Variants in RASAL2 observed in about 807,000 individuals in gnomAD.
The protein encoded by RASAL2 is ras GTPase-activating protein nGAP.
RASAL2 carries 58 observed loss-of-function variants against 128.9 expected under a neutral mutation model. The ratio of observed to expected loss-of-function variants is 0.45; its 90% confidence interval spans 0.36 to 0.56. RASAL2 has a LOEUF of 0.56. Ranked by LOEUF, RASAL2 falls within the 20% of genes least tolerant of loss-of-function variation. The pLI is 0.00. For missense variants in RASAL2, 1,360 were observed against 1,601.6 expected (o/e 0.85, Z 2.57); for synonymous variants, 561 against 580.8 (o/e 0.97, Z 0.49).
At chr1:178,275,766 C>T (rs1027886840) in intron 1 of RASAL2, among the ~76,000 whole-genome samples, 1 of 152,160 alleles carries the variant, frequency 6.6e-6, no homozygotes, top group African/African-American at 2.4e-5. Context: ...AATTACTCAC[C>T]AGAGAGAAGT....
At position 178,216,163 on chromosome 1, in the gene RASAL2, A is replaced by G. The variant is rs550619108; in HGVS notation, c.203-67401A>G. Among the ~76,000 whole-genome samples, 10 of 152,340 alleles carry G rather than the reference A, an allele frequency of 6.6e-5. No individual in the cohort carries two copies. The East Asian group carries it at 9.6e-4, about 15-fold the overall frequency. On this transcript the variant is annotated intron_variant, in intron 1 of 17. Transcript: ENST00000367649. The stretch of plus-strand genomic sequence containing the variant: ...ACAGTTACAGAATTTTCTAGTCTTA[A>G]TAACATCTCATCATCAAACTCATTT...
At chr1:178,238,276 A>T (rs1198011553) in intron 1 of RASAL2, among the ~76,000 whole-genome samples, 1 of 152,128 alleles carries the variant, frequency 6.6e-6, no homozygotes, top group African/African-American at 2.4e-5. Flanking sequence ...CTGACTTTCT[A>T]TTGTATGGAT....
At chr1:178,152,800 A>G (rs1267674500) in intron 1 of RASAL2, among the ~76,000 whole-genome samples, 1 of 152,236 alleles carries the variant, frequency 6.6e-6, no homozygotes. Flanking sequence ...ACTCATGGCC[A>G]GTCTTGTTTC....
intron 3 of RASAL2, among the ~76,000 whole-genome samples, chr1:178,387,785 A>C (rs1672670663): frequency 6.6e-6 from 1 of 152,158 alleles, no homozygotes; most frequent in Admixed American, 6.6e-5. Context: ...TGTTGGAAAA[A>C]AGAGAAAAGA....
intron 3 of RASAL2, among the ~76,000 whole-genome samples, chr1:178,362,722 GT>G (rs888475790): frequency 8.1e-4 from 118 of 145,484 alleles, no homozygotes; most frequent in African/African-American, 2.2e-3. Flanking sequence ...TTTTCATTAT[GT>G]TTTTTTTTTA....
intron 2 of RASAL2, among the ~76,000 whole-genome samples, chr1:178,296,075 G>A (rs1220629625): frequency 2.0e-5 from 3 of 151,608 alleles, no homozygotes; most frequent in Admixed American, 1.3e-4. Flanking sequence ...GTATATGTAT[G>A]TGTATATATG....
intron 1 of RASAL2, among the ~76,000 whole-genome samples, chr1:178,214,050 T>C (rs570306932): frequency 2.0e-4 from 30 of 151,578 alleles, no homozygotes; most frequent in African/African-American, 7.0e-4. Flanking sequence ...AGGCCAGGAG[T>C]TCAAGACCAG....
At chr1:178,225,151 G>A (rs1486082064) in intron 1 of RASAL2, among the ~76,000 whole-genome samples, 1 of 151,990 alleles carries the variant, frequency 6.6e-6, no homozygotes, top group African/African-American at 2.4e-5. Flanking sequence ...AAGTTGGTCT[G>A]TGATGACTTG....
At chr1:178,314,328 T>A (rs1212168286) in intron 3 of RASAL2, among the ~76,000 whole-genome samples, 2 of 152,218 alleles carry the variant, frequency 1.3e-5, no homozygotes, top group Non-Finnish European at 2.9e-5. Flanking sequence ...AGTCGTTTTA[T>A]TTTACAGTTT....
At chr1:178,414,601 G>A (rs937821157) in intron 4 of RASAL2, among the ~76,000 whole-genome samples, 2 of 152,116 alleles carry the variant, frequency 1.3e-5, no homozygotes, top group Non-Finnish European at 2.9e-5. Context: ...ACTCAGTTTT[G>A]CTGTGAATCT....
At chr1:178,161,398 T>G (rs1319849417) in intron 1 of RASAL2, among the ~76,000 whole-genome samples, 1 of 152,200 alleles carries the variant, frequency 6.6e-6, no homozygotes, top group Non-Finnish European at 1.5e-5. Flanking sequence ...ACTGGCTTCT[T>G]TCATTTAGCA....
chr1:178,227,170 T>A (rs1663821900), intron 1 of RASAL2, among the ~76,000 whole-genome samples: 1 of 152,036 alleles, frequency 6.6e-6, no homozygotes, highest in Admixed American at 6.5e-5. Context: ...TTCTGATGCC[T>A]ACTTTCACAA....
rs71297900 is a variant in RASAL2 at position 178,141,193 on chromosome 1, C to CTTTTTTTTTTTTT, written c.202+46512_202+46524dup. Among the ~76,000 whole-genome samples the CTTTTTTTTTTTTT allele has an allele frequency of 3.9e-4, 29 of 73,942 alleles. 1 individual carries two copies. The highest frequency in any genetic ancestry group is 7.4e-4 in the African/African-American group (14 of 18,802). 48.5% of individuals were successfully genotyped at this position (73,942 alleles called of 152,430 possible). ...CTGGAGACCACTTTTCTTTTCTTTTCTTTTTTTTTTTTTTTTTTTTTTTTT... is the reference window on the plus strand; with the variant it reads ...CTGGAGACCACTTTTCTTTTCTTTTCTTTTTTTTTTTTTTTTTTTTTTTTTTTTTTTTTTTTTT... On this transcript the variant is annotated intron_variant, in intron 1 of 17. Transcript: ENST00000367649.
chr1:178,332,671 G>T (rs1232338962), intron 3 of RASAL2, among the ~76,000 whole-genome samples: 1 of 150,288 alleles, frequency 6.7e-6, no homozygotes, highest in Non-Finnish European at 1.5e-5. Context: ...GAGTGCGGTG[G>T]CGCGATCTTG....
At chr1:178,321,007 T>A (rs887020926) in intron 3 of RASAL2, among the ~76,000 whole-genome samples, 1 of 152,210 alleles carries the variant, frequency 6.6e-6, no homozygotes, top group Non-Finnish European at 1.5e-5. Flanking sequence ...ATTGTGAAAG[T>A]TTTGACACGT....
At chr1:178,451,534 G>A in intron 9 of RASAL2, 37 bp from the exon 10 acceptor site, 1 of 1,602,526 alleles carries the variant, frequency 6.2e-7, no homozygotes, top group Non-Finnish European at 8.5e-7. Flanking sequence ...GGAAGACACT[G>A]TTTATAGCTA....
intron 1 of RASAL2, among the ~76,000 whole-genome samples, chr1:178,170,033 AT>A (rs1264383391): frequency 6.6e-6 from 1 of 151,894 alleles, no homozygotes; most frequent in East Asian, 1.9e-4. Flanking sequence ...TATCCTCCCC[AT>A]TCTCATTTAT....
At chr1:178,417,758 T>TAA (rs35109719) in intron 4 of RASAL2, among the ~76,000 whole-genome samples, 802 of 67,730 alleles carry the variant, frequency 0.012, 16 homozygotes, top group African/African-American at 0.035. Flanking sequence ...AAACTCCGTC[T>TAA]AAAAAAAAAA....
At chr1:178,336,359 A>C (rs766837462) in intron 3 of RASAL2, among the ~76,000 whole-genome samples, 1 of 152,094 alleles carries the variant, frequency 6.6e-6, no homozygotes, top group African/African-American at 2.4e-5. Flanking sequence ...TGGTAAGCCA[A>C]AGACTGATTG....
Sources: gnomAD v4.1 joint callset for allele counts (sites outside exome capture counted in the v4.1 genomes callset) on GRCh38, gnomAD v4.1.1 for gene constraint, MANE v1.5 for transcripts, NCBI Gene and HGNC (gene_info 2026-07-23, HGNC 2026-07-21) for gene names.